USP9X: variants seen among roughly 807,000 people sequenced by gnomAD.
The protein encoded by USP9X is ubiquitin carboxyl-terminal hydrolase 9X.
USP9X carries 7 observed loss-of-function variants against 190.3 expected under a neutral mutation model. The ratio of observed to expected loss-of-function variants is 0.04; its 90% CI spans 0.02 to 0.07. The LOEUF is 0.07. USP9X is among the 10% of genes least tolerant of loss of function. The probability of loss-of-function intolerance (pLI) is 1.00; values close to 1 mark genes in which losing one functional copy is unlikely to be tolerated. For synonymous variants in USP9X, 645 were observed against 659.5 expected, an observed-to-expected ratio of 0.98 and a Z score of 0.34; for missense variants, 1,010 against 1,916.9, an observed-to-expected ratio of 0.53 and a Z score of 8.83.
chrX:41,232,810 T>A lies in USP9X; in HGVS notation c.*286T>A. 8.2e-6 allele frequency: 1 copy of A among 121,359 alleles called. No homozygotes were observed. Among genetic ancestry groups the A allele is most frequent in the Non-Finnish European group, 1.6e-5 (1 of 62,640 alleles). The allele number at this position is 121,359 out of a possible 1,213,427, so 10.0% of individuals were successfully genotyped here. ...CTGTTAATTCTTAAGCAAGAAACTT[T>A]TTTCTTGATGAGACTCACAGATCTA... On this transcript the variant is annotated 3_prime_UTR_variant, in exon 45 of 45. Transcript: ENST00000378308.
intron 15 of USP9X, among the ~76,000 whole-genome samples, chrX:41,165,506 G>A (rs748189863): frequency 1.8e-5 from 2 of 112,181 alleles, no homozygotes; most frequent in Non-Finnish European, 3.8e-5. Flanking sequence ...CATTACAGGC[G>A]TGAGTTACTG....
At chrX:41,090,935 C>T (rs1410963651) in intron 1 of USP9X, among the ~76,000 whole-genome samples, 1 of 110,939 alleles carries the variant, frequency 9.0e-6, no homozygotes, top group Non-Finnish European at 1.9e-5. Flanking sequence ...ACGGTTCCAG[C>T]TCTACTATAA....
chrX:41,154,002 G>A (rs1023796706), intron 14 of USP9X, among the ~76,000 whole-genome samples: 6 of 111,526 alleles, frequency 5.4e-5, no homozygotes, highest in East Asian at 2.8e-4. Context: ...AAATCCCCTC[G>A]TGCTTAAGAA....
At chrX:41,158,816 A>C (rs2062602446) in intron 14 of USP9X, among the ~76,000 whole-genome samples, 1 of 111,643 alleles carries the variant, frequency 9.0e-6, no homozygotes, top group African/African-American at 3.3e-5. Flanking sequence ...TACTCCATCC[A>C]ACAATAGTGA....
At chrX:41,165,832 T>C (rs771659490) in intron 15 of USP9X, 40 bp from the exon 16 acceptor site, 1 of 1,152,085 alleles carries the variant, frequency 8.7e-7, no homozygotes, top group South Asian at 1.9e-5. Flanking sequence ...CGGATAAAAA[T>C]TACATAAATC....
chrX:41,115,570 T>C (rs2062142753), intron 1 of USP9X, among the ~76,000 whole-genome samples: 1 of 112,108 alleles, frequency 8.9e-6, no homozygotes, highest in Non-Finnish European at 1.9e-5. Context: ...GGAAATAATC[T>C]GGTAGGGGGT....
chrX:41,135,419 G>A (rs1168458473), intron 5 of USP9X, among the ~76,000 whole-genome samples: 3 of 111,565 alleles, frequency 2.7e-5, no homozygotes, highest in Non-Finnish European at 5.7e-5. Context: ...AGTGGAAAAT[G>A]TAAAGTGGTC....
chrX:41,100,490 T>TATA lies in USP9X; in HGVS notation c.-159+14383_-159+14385dup, dbSNP rs1465790534. ...CTGAGTAAATGAGCGCTCTACTGCA[T>TATA]ATAAGTTCCTTCAATCGTCCTTTTT... On this transcript the variant is annotated intron_variant, in intron 1 of 44. Transcript: ENST00000378308. 4.5e-5 allele frequency among the ~76,000 whole-genome samples: 5 copies of TATA among 111,863 alleles called. No homozygotes were observed. The East Asian group carries it at 1.4e-3, about 31-fold the overall frequency.
intron 9 of USP9X, among the ~76,000 whole-genome samples, chrX:41,142,792 G>A (rs1381533962): frequency 8.9e-6 from 1 of 112,160 alleles, no homozygotes; most frequent in Admixed American, 9.5e-5. Context: ...GCATCTGTGA[G>A]CCTGTTTACA....
chrX:41,085,736 G>T lies in USP9X; in HGVS notation c.-532G>T. 1 of 298,763 alleles carries T rather than the reference G, an allele frequency of 3.3e-6. No homozygotes were observed. The highest frequency in any genetic ancestry group is 5.8e-6 in the Non-Finnish European group (1 of 171,169). The allele number at this position is 298,763 out of a possible 1,213,427, so 24.6% of individuals were successfully genotyped here. A position where few individuals can be genotyped will look rare whatever the true frequency, so the allele number is the denominator to read the frequency against. On this transcript the variant is annotated 5_prime_UTR_variant, in exon 1 of 45. Coordinates refer to ENST00000378308, the MANE Select transcript of USP9X (RefSeq NM_001039591.3). ...AGCGGGGACAGAGGCGGCGACTAGG[G>T]GAAGGTGAAGCCGTCGCTGCAGGAG...
intron 1 of USP9X, among the ~76,000 whole-genome samples, chrX:41,105,214 A>G: frequency 9.0e-6 from 1 of 111,348 alleles, no homozygotes; most frequent in Non-Finnish European, 1.9e-5. Flanking sequence ...AGCCAAGAAG[A>G]ATAATGTGGG....
chrX:41,103,011 C>T (rs1241265749), intron 1 of USP9X, among the ~76,000 whole-genome samples: 2 of 111,736 alleles, frequency 1.8e-5, no homozygotes, highest in African/African-American at 6.5e-5. Context: ...CCAGGCTAGT[C>T]TTGAACTCCT....
In USP9X at chrX:41,228,230, T is replaced by C. The variant is rs754373724; in HGVS notation, c.7062-1023T>C. On this transcript the variant is annotated intron_variant, in intron 41 of 44. Transcript: ENST00000378308. Reference sequence around the variant, plus strand: ...ATAGCATGTATCATTACTTTATAGCTGAATAATATTTTGTTTTATGGATAT... The same window carrying C: ...ATAGCATGTATCATTACTTTATAGCCGAATAATATTTTGTTTTATGGATAT... 2.7e-5 allele frequency among the ~76,000 whole-genome samples: 3 copies of C among 112,362 alleles called. No homozygotes were observed. In the East Asian group the frequency reaches 8.3e-4, roughly 31 times the overall value.
chrX:41,166,326 G>T (rs1475338988), intron 16 of USP9X, 112 bp downstream of exon 16: 1 of 596,710 alleles, frequency 1.7e-6, no homozygotes. Flanking sequence ...TTTGTCTCAG[G>T]AATTTGGTGT....
intron 32 of USP9X, among the ~76,000 whole-genome samples, chrX:41,207,315 C>T (rs962274677): frequency 9.1e-6 from 1 of 109,477 alleles, no homozygotes; most frequent in African/African-American, 3.3e-5. Context: ...AAATTCCTGA[C>T]GTCAGGTGAT....
intron 1 of USP9X, among the ~76,000 whole-genome samples, chrX:41,108,040 G>A (rs2146952454): frequency 8.9e-6 from 1 of 112,011 alleles, no homozygotes; most frequent in South Asian, 3.7e-4. Context: ...TTCTGTGCAT[G>A]TCTTAAATTT....
chrX:41,125,684 A>ACACACACACACACACCCTCTCTCTCT, intron 2 of USP9X, among the ~76,000 whole-genome samples: 1 of 19,027 alleles, frequency 5.3e-5, no homozygotes, highest in Non-Finnish European at 9.0e-5. Context: ...ACACACACAC[A>ACACACACACACACACCCTCTCTCTCT]CTCTCTCTCT....
chrX:41,140,547 A>G lies in USP9X; in HGVS notation c.655-109A>G, dbSNP rs765001600. 7.1e-4 allele frequency: 374 copies of G among 523,839 alleles called. 2 individuals carry two copies. Among genetic ancestry groups the G allele is most frequent in the Non-Finnish European group, 1.0e-3 (323 of 323,599 alleles). The allele number at this position is 523,839 out of a possible 1,213,427, so 43.2% of individuals were successfully genotyped here. A position where few individuals can be genotyped will look rare whatever the true frequency, so the allele number is the denominator to read the frequency against. ...ATGTTTTGTGGTCCTTTGAAAGATG[A>G]TTTATTTTATTGAATTTACTATTTC... On this transcript the variant is annotated intron_variant, in intron 6 of 44. Coordinates refer to ENST00000378308, the MANE Select transcript of USP9X (RefSeq NM_001039591.3).
rs1310798696 is a variant in USP9X at position 41,085,502 on chromosome X, T to G, written c.-766T>G. 2.5e-5 allele frequency: 4 copies of G among 158,231 alleles called. No homozygotes were observed. The highest frequency in any genetic ancestry group is 3.5e-5 in the Non-Finnish European group (3 of 85,305). 13.0% of individuals were successfully genotyped at this position (158,231 alleles called of 1,213,427 possible). A position where few individuals can be genotyped will look rare whatever the true frequency, so the allele number is the denominator to read the frequency against. ...GCATCCGCGGCTGCGGACGCTAGTC[T>G]CCGCCGCCGCCGGAGCCGCAACCTC... On this transcript the variant is annotated 5_prime_UTR_variant, in exon 1 of 45. Coordinates refer to ENST00000378308, the MANE Select transcript of USP9X (RefSeq NM_001039591.3).
Sources: gnomAD v4.1 joint callset for allele counts (sites outside exome capture counted in the v4.1 genomes callset) on GRCh38, gnomAD v4.1.1 for gene constraint, MANE v1.5 for transcripts, NCBI Gene and HGNC (gene_info 2026-07-23, HGNC 2026-07-21) for gene names.